AGBL1: variants seen among roughly 807,000 people sequenced by gnomAD.
AGBL1 encodes the protein cytosolic carboxypeptidase 4.
Under a neutral mutation model 118.9 loss-of-function variants are expected in AGBL1, and 130 were observed. The observed-to-expected ratio is 1.09, with a 90% CI of 0.95 to 1.26. The LOEUF is 1.26. Among genes scored for constraint, AGBL1 ranks in the 50% most tolerant of loss-of-function variants. The probability of loss-of-function intolerance (pLI) is 0.00; values close to 1 mark genes in which losing one functional copy is unlikely to be tolerated. For synonymous variants in AGBL1, 555 were observed against 478.9 expected (o/e 1.16, Z -2.08); for missense variants, 1,584 against 1,298.1 (o/e 1.22, Z -3.38).
intron 6 of AGBL1, among the ~76,000 whole-genome samples, chr15:86,231,131 A>G (rs557239669): frequency 5.9e-5 from 9 of 152,314 alleles, no homozygotes; most frequent in Admixed American, 2.6e-4. Flanking sequence ...ACTGTAATTG[A>G]TGAATCATGT....
rs904602499 is a variant in AGBL1, at chr15:86,756,345, A to G, written c.3158+81909A>G. ...TCTTCAAATCCCTTTTCTAGAGTCC[A>G]TTTATTCATGCATGAACTTTCTAAA... On this transcript the variant is annotated intron_variant, in intron 22 of 22. Coordinates refer to ENST00000614907, the MANE Select transcript of AGBL1 (RefSeq NM_001386094.1). 6.6e-5 allele frequency among the ~76,000 whole-genome samples: 10 copies of G among 151,796 alleles called. No homozygotes were observed. The East Asian group carries it at 1.7e-3, about 27-fold the overall frequency.
rs115457421 is a variant in AGBL1 at position 86,319,303 on chromosome 15, G to C, written c.2374+23895G>C. Among the ~76,000 whole-genome samples the C allele has an allele frequency of 3.9e-3, 589 of 152,300 alleles. 6 individuals are homozygous for C. The highest frequency in any genetic ancestry group is 0.013 in the African/African-American group (547 of 41,574). On this transcript the variant is annotated intron_variant, in intron 17 of 22. Coordinates refer to ENST00000614907, the MANE Select transcript of AGBL1 (RefSeq NM_001386094.1). ...TTAACTTCCTGCCAGTTGTGAATGA[G>C]AGTTGCTCTACATCCTGGCTAACTT...
intron 4 of AGBL1, among the ~76,000 whole-genome samples, chr15:86,155,255 C>G (rs1008450799): frequency 6.6e-6 from 1 of 152,152 alleles, no homozygotes; most frequent in South Asian, 2.1e-4. Context: ...ATCGCTTGAG[C>G]CCAGGCATTT....
intron 21 of AGBL1, among the ~76,000 whole-genome samples, chr15:86,655,597 T>C (rs1019696845): frequency 2.0e-5 from 3 of 152,158 alleles, no homozygotes; most frequent in Non-Finnish European, 2.9e-5. Flanking sequence ...GGAAAGGACT[T>C]CCTCCCCATC....
chr15:86,156,649 C>G (rs1276394538), intron 4 of AGBL1, among the ~76,000 whole-genome samples: 1 of 152,112 alleles, frequency 6.6e-6, no homozygotes, highest in Non-Finnish European at 1.5e-5. Flanking sequence ...TTTCTCTTCC[C>G]CGCCCTATGC....
chr15:86,540,097 A>G (rs1567047259), intron 19 of AGBL1, among the ~76,000 whole-genome samples: 2 of 152,222 alleles, frequency 1.3e-5, no homozygotes, highest in Non-Finnish European at 2.9e-5. Flanking sequence ...CCACAAAATG[A>G]GCATAATAAT....
intron 18 of AGBL1, among the ~76,000 whole-genome samples, chr15:86,500,586 A>G (rs773910548): frequency 1.5e-5 from 2 of 134,786 alleles, no homozygotes; most frequent in Non-Finnish European, 3.2e-5. Flanking sequence ...ACAAATTGGT[A>G]CAACCACTAG....
chr15:86,742,268 C>T (rs145021085), intron 22 of AGBL1, among the ~76,000 whole-genome samples: 7 of 152,240 alleles, frequency 4.6e-5, no homozygotes, highest in Admixed American at 2.6e-4. Context: ...TGGAATCAGA[C>T]GGCATGGCTT....
chr15:86,534,781 C>T (rs1318227859), intron 19 of AGBL1, among the ~76,000 whole-genome samples: 2 of 152,140 alleles, frequency 1.3e-5, no homozygotes, highest in Non-Finnish European at 2.9e-5. Context: ...AGAAGCTAGA[C>T]ACTAAAGACT....
At chr15:86,868,890 T>A (rs2079678793) in intron 22 of AGBL1, among the ~76,000 whole-genome samples, 1 of 152,100 alleles carries the variant, frequency 6.6e-6, no homozygotes, top group African/African-American at 2.4e-5. Context: ...AAACAACGGG[T>A]ATGAATTAAA....
intron 18 of AGBL1, among the ~76,000 whole-genome samples, chr15:86,440,912 T>C (rs2082056266): frequency 6.6e-6 from 1 of 152,120 alleles, no homozygotes; most frequent in African/African-American, 2.4e-5. Context: ...GAATCAGGCA[T>C]AGGAAACAGG....
Position 86,558,389 on chromosome 15 carries a change from T to C in AGBL1, c.2994+3852T>C, listed in dbSNP as rs898149954. On this transcript the variant is annotated intron_variant, in intron 21 of 22. Coordinates refer to ENST00000614907, the MANE Select transcript of AGBL1 (RefSeq NM_001386094.1). ...AACAAAAGCCTTATCTCTGCTTCAG[T>C]TGGGATGACTCCAAAGGGCCATTCC... Among the ~76,000 whole-genome samples the C allele has an allele frequency of 4.6e-5, 7 of 152,182 alleles. 1 individual carries two copies. Among genetic ancestry groups the C allele is most frequent in the Admixed American group, 2.6e-4 (4 of 15,276 alleles).
At chr15:86,799,418 G>A (rs190932177) in intron 22 of AGBL1, among the ~76,000 whole-genome samples, 1 of 152,128 alleles carries the variant, frequency 6.6e-6, no homozygotes, top group East Asian at 1.9e-4. Flanking sequence ...GAATAGGGTG[G>A]GTGTTAAGAG....
intron 17 of AGBL1, among the ~76,000 whole-genome samples, chr15:86,351,543 T>C (rs900417696): frequency 3.3e-5 from 5 of 152,180 alleles, no homozygotes; most frequent in African/African-American, 1.2e-4. Flanking sequence ...ACAAATTTCA[T>C]TGAAGGTTGA....
intron 22 of AGBL1, among the ~76,000 whole-genome samples, chr15:86,766,899 C>A (rs2078104282): frequency 6.6e-6 from 1 of 151,714 alleles, no homozygotes; most frequent in South Asian, 2.1e-4. Context: ...AACAAGACAA[C>A]CTACAGACGC....
At chr15:86,634,115 G>A (rs371174700) in intron 21 of AGBL1, among the ~76,000 whole-genome samples, 1 of 152,178 alleles carries the variant, frequency 6.6e-6, no homozygotes, top group South Asian at 2.1e-4. Flanking sequence ...CTGATGGCGA[G>A]AATGTAACGT....
At position 86,987,991 on chromosome 15, in the gene AGBL1, A is replaced by T; in HGVS notation, c.3226A>T (p.Lys1076Ter). Residue 1076 changes from lysine (K) to a stop codon, truncating the protein, a stop_gained, in exon 24 of 25, where the codon AAA becomes TAA. Transcript: ENST00000441037. LOFTEE classifies it high-confidence loss of function. ...TCATTTATCTGAACATTACAGATTAAAATCATCCAATTTCCTGCCAAAGCA... is the reference window on the plus strand; with the variant it reads ...TCATTTATCTGAACATTACAGATTATAATCATCCAATTTCCTGCCAAAGCA... 1 of 1,613,470 alleles carries T rather than the reference A, an allele frequency of 6.2e-7. No individual in the cohort carries two copies. The highest frequency in any genetic ancestry group is 8.5e-7 in the Non-Finnish European group (1 of 1,179,702).
intron 6 of AGBL1, among the ~76,000 whole-genome samples, chr15:86,243,921 G>T (rs949664023): frequency 1.3e-5 from 2 of 152,034 alleles, no homozygotes; most frequent in African/African-American, 4.8e-5. Context: ...GCGGGAGGCT[G>T]AGGCAGGAGA....
chr15:86,184,429 C>CTTTTTTTTTTTTTTTT (rs199807402), intron 5 of AGBL1, among the ~76,000 whole-genome samples: 1 of 144,448 alleles, frequency 6.9e-6, no homozygotes, highest in African/African-American at 2.5e-5. Flanking sequence ...TTTCTTTTTT[C>CTTTTTTTTTTTTTTTT]TTTCTTTTTT....
Sources: allele counts gnomAD v4.1 joint callset (sites outside exome capture counted in the v4.1 genomes callset), GRCh38; gene constraint gnomAD v4.1.1; transcripts MANE v1.5; gene names NCBI Gene and HGNC (gene_info 2026-07-23, HGNC 2026-07-21).